TMEM101: variants seen among roughly 807,000 people sequenced by gnomAD.
The protein encoded by TMEM101 is putative NF-kappa-B-activating protein 130.
In TMEM101, 14 loss-of-function variants were observed where a neutral mutation model predicts 26.0. The ratio of observed to expected loss-of-function variants is 0.54; its 90% CI spans 0.36 to 0.84. The LOEUF (loss-of-function observed/expected upper bound fraction) is 0.84, where lower values mean the gene tolerates loss of function less well. Among genes scored for constraint, TMEM101 ranks in the 40% least tolerant of loss-of-function variants. TMEM101 has a pLI of 0.01. For synonymous variants in TMEM101, 152 were observed against 145.1 expected (o/e 1.05, Z -0.34); for missense variants, 292 against 345.1 (o/e 0.85, Z 1.22).
upstream of TMEM101, among the ~76,000 whole-genome samples, chr17:44,017,374 C>T (rs1431956647): frequency 2.0e-5 from 3 of 151,354 alleles, no homozygotes; most frequent in African/African-American, 4.9e-5. Context: ...CCAAGGATCA[C>T]GAGGTCAGGA....
chr17:44,020,475 C>A (rs1185177690), intron 2 of TMEM101, among the ~76,000 whole-genome samples: 3 of 152,218 alleles, frequency 2.0e-5, no homozygotes, highest in African/African-American at 4.8e-5. Context: ...AATCCCAGCA[C>A]TTTGGGAGGC....
intron 2 of TMEM101, 43 bp downstream of exon 2, chr17:44,014,314 C>T (rs936111934): frequency 2.0e-6 from 3 of 1,530,372 alleles, no homozygotes; most frequent in Admixed American, 4.0e-5. Flanking sequence ...CTCTGATTCC[C>T]CGTCACCCAG....
upstream of TMEM101, among the ~76,000 whole-genome samples, chr17:44,017,189 G>A (rs1043726346): frequency 6.6e-6 from 1 of 151,558 alleles, no homozygotes; most frequent in Admixed American, 6.6e-5. Flanking sequence ...GCCGGGTGTG[G>A]TGGCTCACGC....
intron 2 of TMEM101, among the ~76,000 whole-genome samples, chr17:44,020,676 C>T (rs1405599461): frequency 1.3e-5 from 2 of 152,180 alleles, no homozygotes; most frequent in Non-Finnish European, 2.9e-5. Flanking sequence ...GAGCCAAGAT[C>T]GTGCCACTGC....
At chr17:44,022,932 T>C (rs189674112) in intron 1 of TMEM101, 376 of 160,064 alleles carry the variant, frequency 2.3e-3, no homozygotes, top group Middle Eastern at 9.0e-3. Flanking sequence ...AATGCAGATA[T>C]AATAAGCGAA....
At position 44,013,166 on chromosome 17, in the gene TMEM101, G is replaced by T; in HGVS notation, c.319-11C>A. On this transcript the variant is annotated splice_polypyrimidine_tract_variant and intron_variant, in intron 2 of 3. Coordinates refer to ENST00000206380, the MANE Select transcript of TMEM101 (RefSeq NM_032376.4). ...CGAGTACATACGGACCTAGGCCGGGGTAAGGGGACCCCAGTCAAGAACTGC... is the reference window on the plus strand; with the variant it reads ...CGAGTACATACGGACCTAGGCCGGGTTAAGGGGACCCCAGTCAAGAACTGC... 2 of 1,537,108 alleles carry T rather than the reference G, an allele frequency of 1.3e-6. No individual in the cohort carries two copies. Among genetic ancestry groups the T allele is most frequent in the Non-Finnish European group, 1.8e-6 (2 of 1,130,248 alleles).
In TMEM101 at chr17:44,014,458, C is replaced by T; in HGVS notation, c.217G>A (p.Val73Met). The T allele has an allele frequency of 6.4e-7, 1 of 1,561,362 alleles. No homozygotes were observed. Among genetic ancestry groups the T allele is most frequent in the Non-Finnish European group, 8.7e-7 (1 of 1,152,284 alleles). The change falls in exon 2 of 4, where the codon GTG becomes ATG. Residue 73 changes from valine (V) to methionine (M), a missense_variant. By Grantham distance (21) the Val-to-Met change is conservative. Coordinates refer to ENST00000206380, the MANE Select transcript of TMEM101 (RefSeq NM_032376.4). ...VLCASFMSFG[V>M]KRRWFALGAA... ...CCCAGCGCGAACCAGCGCCGCTTCA[C>T]GCCAAAGGACATGAAACTAGCGCAC...
chr17:44,012,006 C>G lies in TMEM101; in HGVS notation c.696G>C (p.Glu232Asp). The G allele has an allele frequency of 6.2e-7, 1 of 1,614,198 alleles. No individual in the cohort carries two copies. Among genetic ancestry groups the G allele is most frequent in the Non-Finnish European group, 8.5e-7 (1 of 1,180,036 alleles). ...CAAGGAGCTTCATCTGGTTCCAGAA[C>G]TCAACACGCCGCGTGTTGTGCCAGT... ...VAYWHNTRRV[E>D]FWNQMKLLGE... The change falls in exon 4 of 4, where the codon GAG becomes GAC. Residue 232 changes from glutamate to aspartate, a missense_variant. Physicochemically the swap from Glu to Asp is conservative, Grantham distance 45. Around this residue, in one of 2 missense-constraint regions of TMEM101, gnomAD observed 149 missense variants for 211.9 expected, o/e 0.70. Transcript: ENST00000206380.
In TMEM101 at chr17:44,014,510, C is replaced by T; in HGVS notation, c.165G>A (p.Leu55=). ...RRKPDIPVPY[L]YFDMGAAVLC... ...GCACGGCTGCCCCCATGTCGAAATA[C>T]AGGTAAGGCACTGGGATGTCGGGCT... Residue 55 remains leucine, a synonymous_variant, in exon 2 of 4, where the codon CTG becomes CTA. Coordinates refer to ENST00000206380, the MANE Select transcript of TMEM101 (RefSeq NM_032376.4). The T allele has an allele frequency of 6.4e-7, 1 of 1,572,970 alleles. No individual in the cohort carries two copies. The highest frequency in any genetic ancestry group is 1.7e-4 in the Middle Eastern group (1 of 5,994).
chr17:44,015,064 G>A, upstream of TMEM101: 3 of 1,427,802 alleles, frequency 2.1e-6, no homozygotes, highest in Non-Finnish European at 1.9e-6. Flanking sequence ...CGGAAACAAC[G>A]GTGTCATTCT....
upstream of TMEM101, among the ~76,000 whole-genome samples, chr17:44,018,074 G>A (rs1002481557): frequency 2.6e-5 from 4 of 152,068 alleles, no homozygotes; most frequent in Non-Finnish European, 5.9e-5. Flanking sequence ...GCAGTGAGTC[G>A]AGATCGCACC....
rs755259306 is a variant in TMEM101, at chr17:44,013,125, T to C, written c.349A>G (p.Ile117Val). 1.2e-6 allele frequency: 2 copies of C among 1,605,864 alleles called. No homozygotes were observed. Among genetic ancestry groups the C allele is most frequent in the South Asian group, 1.1e-5 (1 of 90,696 alleles). The change falls in exon 3 of 4, where the codon ATC (isoleucine) becomes GTC (valine). Residue 117 changes from isoleucine to valine, a missense_variant. Coordinates refer to ENST00000206380, the MANE Select transcript of TMEM101 (RefSeq NM_032376.4). ...VRMYSRTVAIIGGFLVLASGA... is the reference protein window; with the variant it reads ...VRMYSRTVAIVGGFLVLASGA... The stretch of plus-strand genomic sequence containing the variant: ...CTGGCCAACACAAGAAAGCCGCCGA[T>C]GATGGCAACTGTGCGCGAGTACATA...
rs556952458 is a variant in TMEM101 at position 44,012,018 on chromosome 17, C to T, written c.684G>A (p.Thr228=). The T allele has an allele frequency of 6.8e-6, 11 of 1,614,180 alleles. No individual in the cohort carries two copies. Among genetic ancestry groups the T allele is most frequent in the East Asian group, 2.2e-5 (1 of 44,886 alleles). ...IDGNVAYWHN[T]RRVEFWNQMK... is the part of the protein sequence containing the mutation. ...TCTGGTTCCAGAACTCAACACGCCGCGTGTTGTGCCAGTAAGCAACATTGC... is the reference window on the plus strand; with the variant it reads ...TCTGGTTCCAGAACTCAACACGCCGTGTGTTGTGCCAGTAAGCAACATTGC... The change falls in exon 4 of 4, where the codon ACG becomes ACA. Residue 228 remains threonine, a synonymous_variant. Transcript: ENST00000206380.
chr17:44,014,518 G>A lies in TMEM101; in HGVS notation c.157C>T (p.Pro53Ser), dbSNP rs1412443715. 4 of 1,570,504 alleles carry A rather than the reference G, an allele frequency of 2.5e-6. No homozygotes were observed. The highest frequency in any genetic ancestry group is 3.5e-6 in the Non-Finnish European group (4 of 1,156,682). ...GCCCCCATGTCGAAATACAGGTAAG[G>A]CACTGGGATGTCGGGCTTCCTGCGA... ...EARRKPDIPVPYLYFDMGAAV... is the reference protein window; with the variant it reads ...EARRKPDIPVSYLYFDMGAAV... Residue 53 changes from proline to serine, a missense_variant, in exon 2 of 4, where the codon CCT (proline) becomes TCT (serine). Transcript: ENST00000206380.
At chr17:44,013,520 G>A (rs185938827) in intron 2 of TMEM101, among the ~76,000 whole-genome samples, 14 of 152,232 alleles carry the variant, frequency 9.2e-5, no homozygotes, top group South Asian at 2.1e-4. Context: ...TTAGTCGGGC[G>A]TGGGGAAGGG....
At chr17:44,015,585 G>C (rs937766726), upstream of TMEM101, among the ~76,000 whole-genome samples, 3 of 152,080 alleles carry the variant, frequency 2.0e-5, no homozygotes, top group African/African-American at 7.2e-5. Flanking sequence ...AGTAGAGACG[G>C]AGTTTCACCG....
intron 3 of TMEM101, 30 bp downstream of exon 3, chr17:44,012,979 G>C (rs774476795): frequency 3.9e-6 from 6 of 1,521,724 alleles, no homozygotes; most frequent in Middle Eastern, 1.8e-4. Context: ...TCCCAGCCAG[G>C]CACCTCCAAC....
In TMEM101 at chr17:44,014,398, C is replaced by T. The variant is rs1303141695; in HGVS notation, c.277G>A (p.Ala93Thr). The T allele has an allele frequency of 2.6e-6, 4 of 1,554,860 alleles. No individual in the cohort carries two copies. The highest frequency in any genetic ancestry group is 3.5e-6 in the Non-Finnish European group (4 of 1,148,746). The change falls in exon 2 of 4, where the codon GCC becomes ACC. Residue 93 changes from alanine (A) to threonine (T), a missense_variant. Physicochemically the swap from Ala to Thr is moderately conservative, Grantham distance 58. This residue lies in a region of TMEM101 where 143 missense variants were observed against 133.2 expected (regional missense o/e 1.07). Transcript: ENST00000206380. ...TAGTGGACGTAGCCCCCGATGTAGG[C>T]GGCGTAGGTGCTAATGGCCAATTGG... ...ALQLAISTYA[A>T]YIGGYVHYGD...
chr17:44,017,327 CG>C (rs1421636073), upstream of TMEM101, among the ~76,000 whole-genome samples: 1 of 151,490 alleles, frequency 6.6e-6, no homozygotes, highest in African/African-American at 2.4e-5. Flanking sequence ...AGGCTGGGCA[CG>C]GTGGCTCATG....
Sources: allele counts gnomAD v4.1 joint callset (sites outside exome capture counted in the v4.1 genomes callset), GRCh38; gene constraint gnomAD v4.1.1; regional missense constraint gnomAD v4.1.1; transcripts MANE v1.5; gene names NCBI Gene and HGNC (gene_info 2026-07-23, HGNC 2026-07-21).